CCDC181: variants seen among roughly 807,000 people sequenced by gnomAD.
The protein encoded by CCDC181 is coiled-coil domain containing 181.
A neutral mutation model predicts 58.7 loss-of-function variants in CCDC181; 35 were observed. The observed-to-expected ratio is 0.60, with a 90% CI of 0.46 to 0.79. The LOEUF is 0.79. CCDC181 is among the 30% of genes least tolerant of loss of function. The pLI is 0.00. For synonymous variants in CCDC181, 183 were observed against 197.5 expected, an observed-to-expected ratio of 0.93 and a Z score of 0.62; for missense variants, 517 against 583.9, an observed-to-expected ratio of 0.89 and a Z score of 1.18.
At position 169,397,234 on chromosome 1, in the gene CCDC181, T is replaced by TA. The variant is rs772806259; in HGVS notation, c.1370+2dup. ...GGGGGGAAATGCCCTGCCTTTAACT[T>TA]ACTGTTTAAAGGCCCTTTCCCGGCC... On this transcript the variant is annotated splice_region_variant and intron_variant, in intron 5 of 5. Transcript: ENST00000367806. 37 of 1,579,416 alleles carry TA rather than the reference T, an allele frequency of 2.3e-5. No individual in the cohort carries two copies. The highest frequency in any genetic ancestry group is 3.8e-5 in the Admixed American group (2 of 53,234).
chr1:169,420,338 C>A (rs745509401), intron 3 of CCDC181, among the ~76,000 whole-genome samples: 58 of 151,466 alleles, frequency 3.8e-4, no homozygotes, highest in Non-Finnish European at 7.4e-4. Flanking sequence ...AGCTTGCACC[C>A]TTTTAGGTTC....
At chr1:169,459,806 A>G (rs977525521) in exon 2 of CCDC181, 4 of 150,838 alleles carry the variant, frequency 2.7e-5, no homozygotes, top group Non-Finnish European at 4.4e-5. Context: ...CCTAGAATTT[A>G]AGGTCCATCT....
chr1:169,436,325 T>C (rs982211732), intron 2 of CCDC181, among the ~76,000 whole-genome samples: 2 of 152,140 alleles, frequency 1.3e-5, no homozygotes, highest in Non-Finnish European at 2.9e-5. Flanking sequence ...CAGATCAGGA[T>C]TGTGTTAGTT....
At chr1:169,431,098 G>T (rs1488166730), upstream of CCDC181, among the ~76,000 whole-genome samples, 1 of 152,126 alleles carries the variant, frequency 6.6e-6, no homozygotes, top group Non-Finnish European at 1.5e-5. Context: ...CCTTTCAACT[G>T]CATTCTAGGA....
intron 2 of CCDC181, among the ~76,000 whole-genome samples, chr1:169,433,825 T>C (rs756490436): frequency 6.6e-6 from 1 of 151,998 alleles, no homozygotes; most frequent in African/African-American, 2.4e-5. Flanking sequence ...TGAACTCTTA[T>C]AAGGAAACAG....
chr1:169,426,784 G>A lies in CCDC181; in HGVS notation c.-24+504C>T, dbSNP rs1656729729. On this transcript the variant is annotated intron_variant, in intron 1 of 5. Coordinates refer to ENST00000367806, the MANE Select transcript of CCDC181 (RefSeq NM_001300969.2). ...TGAAACCATCTGGCCCATTATTCCT[G>A]TGTATCCTGCCAAGACTGTGATCCT... is the stretch of plus-strand genomic sequence containing the variant. 2.0e-5 allele frequency among the ~76,000 whole-genome samples: 3 copies of A among 152,254 alleles called. No homozygotes were observed. In the South Asian group the frequency reaches 6.2e-4, roughly 32 times the overall value.
At chr1:169,425,260 C>G (rs1333751050) in intron 1 of CCDC181, among the ~76,000 whole-genome samples, 3 of 152,062 alleles carry the variant, frequency 2.0e-5, no homozygotes, top group Non-Finnish European at 4.4e-5. Flanking sequence ...AATAAATAAT[C>G]CACCAGCTGT....
At chr1:169,452,382 G>A (rs1213879174) in intron 2 of CCDC181, among the ~76,000 whole-genome samples, 1 of 152,036 alleles carries the variant, frequency 6.6e-6, no homozygotes, top group Non-Finnish European at 1.5e-5. Context: ...GGAATGATGG[G>A]GATTCTAAAC....
At chr1:169,430,899 G>C (rs1382574810), upstream of CCDC181, among the ~76,000 whole-genome samples, 1 of 152,092 alleles carries the variant, frequency 6.6e-6, no homozygotes, top group Non-Finnish European at 1.5e-5. Flanking sequence ...CAGTCTGATT[G>C]GTTGTGGAAA....
At chr1:169,403,836 CAAAAG>C (rs1557860537) in intron 4 of CCDC181, among the ~76,000 whole-genome samples, 3 of 151,984 alleles carry the variant, frequency 2.0e-5, no homozygotes, top group Admixed American at 6.6e-5. Context: ...GAGATAGAGA[CAAAAG>C]AAACCCTTCA....
chr1:169,454,830 T>C (rs1657641067), intron 2 of CCDC181, among the ~76,000 whole-genome samples: 1 of 152,022 alleles, frequency 6.6e-6, no homozygotes, highest in Non-Finnish European at 1.5e-5. Flanking sequence ...AAGTATATTA[T>C]TACATGCCTT....
intron 2 of CCDC181, among the ~76,000 whole-genome samples, chr1:169,446,110 T>C (rs1657365239): frequency 6.6e-6 from 1 of 152,176 alleles, no homozygotes; most frequent in African/African-American, 2.4e-5. Flanking sequence ...ATTTCTCCTC[T>C]AATTTTTATG....
At chr1:169,447,988 C>T (rs965948882) in intron 2 of CCDC181, among the ~76,000 whole-genome samples, 1 of 152,042 alleles carries the variant, frequency 6.6e-6, no homozygotes, top group African/African-American at 2.4e-5. Flanking sequence ...CTCCTCTCCT[C>T]TTTTTGAAAA....
intron 4 of CCDC181, among the ~76,000 whole-genome samples, chr1:169,417,689 C>CA (rs1656275016): frequency 6.6e-6 from 1 of 152,006 alleles, no homozygotes; most frequent in South Asian, 2.1e-4. Flanking sequence ...GTCTTTCTGG[C>CA]AGCCAGCACC....
chr1:169,417,318 G>A (rs1181290005), intron 4 of CCDC181, among the ~76,000 whole-genome samples: 1 of 152,188 alleles, frequency 6.6e-6, no homozygotes, highest in Admixed American at 6.5e-5. Flanking sequence ...AGGGTGGGGA[G>A]TGGTGGGAAC....
At chr1:169,450,673 T>G (rs942920175) in intron 2 of CCDC181, among the ~76,000 whole-genome samples, 9 of 152,218 alleles carry the variant, frequency 5.9e-5, no homozygotes, top group African/African-American at 2.2e-4. Flanking sequence ...TAGATTTCTG[T>G]GCATAGAATT....
chr1:169,398,556 A>G (rs909931230), intron 4 of CCDC181, among the ~76,000 whole-genome samples: 2 of 152,118 alleles, frequency 1.3e-5, no homozygotes, highest in Non-Finnish European at 2.9e-5. Context: ...ACTGGGTTGC[A>G]TTAATAAAAT....
intron 4 of CCDC181, among the ~76,000 whole-genome samples, chr1:169,398,000 T>C (rs1175654381): frequency 6.6e-6 from 1 of 152,206 alleles, no homozygotes; most frequent in Non-Finnish European, 1.5e-5. Context: ...TTTTCCCTTG[T>C]TTGTAACCCA....
intron 2 of CCDC181, among the ~76,000 whole-genome samples, chr1:169,458,177 T>TG (rs1191410962): frequency 2.1e-4 from 30 of 141,404 alleles, no homozygotes; most frequent in African/African-American, 4.5e-4. Context: ...TAATTTTTGT[T>TG]TTTTTTTTTT....
Sources: allele counts gnomAD v4.1 joint callset (sites outside exome capture counted in the v4.1 genomes callset), GRCh38; gene constraint gnomAD v4.1.1; transcripts MANE v1.5; gene names NCBI Gene and HGNC (gene_info 2026-07-23, HGNC 2026-07-21).